RANBP2: variants seen among roughly 807,000 people sequenced by gnomAD.
RANBP2 encodes RAN binding protein 2.
Under a neutral mutation model 303.6 loss-of-function variants are expected in RANBP2, and 57 were observed. The ratio of observed to expected loss-of-function variants is 0.19; its 90% CI spans 0.15 to 0.23. The LOEUF (loss-of-function observed/expected upper bound fraction) is 0.23. Among genes scored for constraint, RANBP2 ranks in the 10% least tolerant of loss-of-function variants. The probability of loss-of-function intolerance (pLI) is 1.00; values close to 1 mark genes in which losing one functional copy is unlikely to be tolerated. For synonymous variants in RANBP2, 1,167 were observed against 1,301.5 expected (o/e 0.90, Z 2.23); for missense variants, 3,138 against 3,780.8 (o/e 0.83, Z 4.46).
At chr2:109,511,517 C>T in the RANBP2 span, among the ~76,000 whole-genome samples, 1 of 152,302 alleles carries the variant, frequency 6.6e-6, no homozygotes, top group Non-Finnish European at 1.5e-5. Flanking sequence ...AACCTGCCCA[C>T]CTGAAGGTGC....
chr2:109,455,577 C>A, the RANBP2 span, among the ~76,000 whole-genome samples: 1 of 152,186 alleles, frequency 6.6e-6, no homozygotes, highest in African/African-American at 2.4e-5. Context: ...TTATATTTTT[C>A]ATGAAACCCC....
At chr2:109,737,869 A>G in the RANBP2 span, among the ~76,000 whole-genome samples, 1 of 152,180 alleles carries the variant, frequency 6.6e-6, no homozygotes, top group African/African-American at 2.4e-5. Context: ...GGCCATTTGT[A>G]GATCTTTTGA....
At chr2:109,101,152 C>T in the RANBP2 span, among the ~76,000 whole-genome samples, 4 of 152,108 alleles carry the variant, frequency 2.6e-5, no homozygotes, top group African/African-American at 4.8e-5. Context: ...TGCAGGCTGC[C>T]ACTTCCATAC....
At chr2:109,052,040 G>A in the RANBP2 span, among the ~76,000 whole-genome samples, 540 of 152,250 alleles carry the variant, frequency 3.5e-3, 25 homozygotes, top group East Asian at 0.096. Flanking sequence ...GAGCCACCAC[G>A]CCTGGACTAG....
At chr2:109,430,540 A>C in the RANBP2 span, among the ~76,000 whole-genome samples, 3 of 143,724 alleles carry the variant, frequency 2.1e-5, no homozygotes, top group Non-Finnish European at 3.0e-5. Flanking sequence ...TCCTCCCTCC[A>C]TCTCTCTCAT....
the RANBP2 span, chr2:109,614,905 C>A: frequency 2.8e-6 from 4 of 1,448,164 alleles, no homozygotes; most frequent in Admixed American, 2.6e-5. Flanking sequence ...GAGGGAGAGC[C>A]CCCCGCCCCC....
chr2:108,782,128 G>A lies in RANBP2; in HGVS notation c.8761G>A (p.Val2921Ile). The A allele has an allele frequency of 6.2e-7, 1 of 1,613,896 alleles. No individual in the cohort carries two copies. The highest frequency in any genetic ancestry group is 8.5e-7 in the Non-Finnish European group (1 of 1,179,932). The change falls in exon 27 of 29, where the codon GTA (valine) becomes ATA (isoleucine). Residue 2921 changes from valine (V) to isoleucine (I), a missense_variant and splice_region_variant. By Grantham distance (29) the Val-to-Ile change is conservative (BLOSUM62 3). This residue lies in a region of RANBP2 where 68 missense variants were observed against 117.4 expected (regional missense o/e 0.58). Coordinates refer to ENST00000283195, the MANE Select transcript of RANBP2 (RefSeq NM_006267.5). ...TAGAGAATTTCATCTCCTATTATAG[G>A]TAGAAGTAAAATCTGGAGAAGAAGA... ...HFEPIVSLPE[V>I]EVKSGEEDEE... is the part of the protein sequence containing the mutation.
At chr2:109,362,519 G>A in the RANBP2 span, among the ~76,000 whole-genome samples, 1 of 152,158 alleles carries the variant, frequency 6.6e-6, no homozygotes, top group African/African-American at 2.4e-5. Context: ...CTGTGGGCTT[G>A]AAAAGAATGT....
At chr2:109,080,483 T>A in the RANBP2 span, among the ~76,000 whole-genome samples, 2 of 151,992 alleles carry the variant, frequency 1.3e-5, no homozygotes, top group Non-Finnish European at 2.9e-5. Flanking sequence ...AACTGGAGAG[T>A]GGGAACCAGG....
the RANBP2 span, among the ~76,000 whole-genome samples, chr2:109,549,046 T>A: frequency 6.6e-6 from 1 of 152,156 alleles, no homozygotes; most frequent in Non-Finnish European, 1.5e-5. Context: ...AAGCATCAGT[T>A]CCTTAGTATT....
At chr2:109,449,158 C>T in the RANBP2 span, 1 of 1,611,856 alleles carries the variant, frequency 6.2e-7, no homozygotes, top group African/African-American at 1.3e-5. Flanking sequence ...GTCTCTCCAA[C>T]CCCGTCTCCA....
the RANBP2 span, among the ~76,000 whole-genome samples, chr2:109,507,278 A>G: frequency 6.6e-6 from 1 of 152,170 alleles, no homozygotes; most frequent in Non-Finnish European, 1.5e-5. Flanking sequence ...GCCGGGCCTC[A>G]CAGACCAGGG....
chr2:108,851,674 T>C, the RANBP2 span, among the ~76,000 whole-genome samples: 1 of 152,152 alleles, frequency 6.6e-6, no homozygotes, highest in Non-Finnish European at 1.5e-5. Flanking sequence ...CTGGACTCTC[T>C]CTGGGGAGGA....
the RANBP2 span, among the ~76,000 whole-genome samples, chr2:108,938,016 C>T: frequency 1.3e-5 from 2 of 152,242 alleles, no homozygotes; most frequent in East Asian, 1.9e-4. Context: ...AAATATAATG[C>T]ATGAAACACT....
chr2:108,862,369 CTTCACAGGCTGGGA>C, the RANBP2 span, among the ~76,000 whole-genome samples: 1 of 152,106 alleles, frequency 6.6e-6, no homozygotes, highest in Non-Finnish European at 1.5e-5. Flanking sequence ...CCTCAGGGAT[CTTCACAGGCTGGGA>C]GGTAGTGTCA....
At chr2:109,104,315 T>A in the RANBP2 span, among the ~76,000 whole-genome samples, 1 of 152,170 alleles carries the variant, frequency 6.6e-6, no homozygotes, top group African/African-American at 2.4e-5. Flanking sequence ...TTAATGCTGG[T>A]CATCTGTATG....
At chr2:109,199,632 T>TTAACC in the RANBP2 span, among the ~76,000 whole-genome samples, 3 of 68 alleles carry the variant, frequency 0.044, no homozygotes, top group Admixed American at 0.12. Flanking sequence ...TGGAATGGAA[T>TTAACC]GGAATGGAAT....
At chr2:109,426,754 G>T in the RANBP2 span, among the ~76,000 whole-genome samples, 1 of 152,120 alleles carries the variant, frequency 6.6e-6, no homozygotes, top group Admixed American at 6.5e-5. Context: ...AGCATCAAAT[G>T]CTATAGAGAA....
chr2:109,701,135 A>G, the RANBP2 span, among the ~76,000 whole-genome samples: 31 of 152,142 alleles, frequency 2.0e-4, no homozygotes, highest in Non-Finnish European at 3.8e-4. Flanking sequence ...CCCCTTGTGC[A>G]GAGGCAGCAT....
Sources: allele counts gnomAD v4.1 joint callset (sites outside exome capture counted in the v4.1 genomes callset), GRCh38; gene constraint gnomAD v4.1.1; regional missense constraint gnomAD v4.1.1; transcripts MANE v1.5; gene names NCBI Gene and HGNC (gene_info 2026-07-23, HGNC 2026-07-21).